The following INPP4A variants were observed in gnomAD, a reference collection of about 807,000 sequenced individuals.
INPP4A encodes the protein inositol polyphosphate-4-phosphatase, type I, 107kD.
In INPP4A, 33 loss-of-function variants were observed where a neutral mutation model predicts 119.8. That is an observed-to-expected ratio of 0.28 (90% CI 0.21 to 0.37). The LOEUF is 0.37. INPP4A is among the 10% of genes least tolerant of loss of function. The pLI is 1.00. For missense variants in INPP4A, 956 were observed against 1,289.9 expected (o/e 0.74, Z 3.97); for synonymous variants, 496 against 500.7 (o/e 0.99, Z 0.12).
intron 1 of INPP4A, among the ~76,000 whole-genome samples, chr2:98,458,967 G>A (rs1696644493): frequency 6.6e-6 from 1 of 152,212 alleles, no homozygotes; most frequent in Non-Finnish European, 1.5e-5. Flanking sequence ...CAGGATGGTA[G>A]CCACCACACG....
At chr2:98,480,831 C>T (rs998225080) in intron 1 of INPP4A, among the ~76,000 whole-genome samples, 3 of 152,214 alleles carry the variant, frequency 2.0e-5, no homozygotes, top group Admixed American at 6.5e-5. Context: ...CCCCAGGGCG[C>T]GTGTGTCCGT....
chr2:98,478,734 G>C (rs903352521), intron 1 of INPP4A, among the ~76,000 whole-genome samples: 1 of 152,178 alleles, frequency 6.6e-6, no homozygotes, highest in Non-Finnish European at 1.5e-5. Context: ...ATGGATTTCC[G>C]AGAAGGTTGC....
intron 22 of INPP4A, among the ~76,000 whole-genome samples, chr2:98,572,351 A>G (rs1248652873): frequency 6.6e-6 from 1 of 152,224 alleles, no homozygotes; most frequent in Non-Finnish European, 1.5e-5. Context: ...TTCTCCTGGC[A>G]TGGGCCAAGG....
chr2:98,556,150 C>A, intron 16 of INPP4A: 1 of 287,498 alleles, frequency 3.5e-6, no homozygotes, highest in Non-Finnish European at 6.5e-6. Flanking sequence ...GATGCAGATG[C>A]CTTTCTGATG....
chr2:98,535,259 G>C lies in INPP4A; in HGVS notation c.271-470G>C, dbSNP rs185497365. Among the ~76,000 whole-genome samples the C allele has an allele frequency of 3.5e-4, 53 of 152,286 alleles. 1 individual carries two copies. Among genetic ancestry groups the C allele is most frequent in the Admixed American group, 3.3e-3 (51 of 15,298 alleles). ...CAGGCTTTAATTATTCCAAACACAG[G>C]CTTCTAGAAATACATAATAAACCAC... On this transcript the variant is annotated intron_variant, in intron 5 of 24. Coordinates refer to ENST00000409851, the MANE Select transcript of INPP4A (RefSeq NM_001134225.2).
At chr2:98,449,212 A>G (rs576734645) in intron 1 of INPP4A, among the ~76,000 whole-genome samples, 1 of 152,344 alleles carries the variant, frequency 6.6e-6, no homozygotes, top group South Asian at 2.1e-4. Context: ...TTAACTGACT[A>G]GTTTCAGAAT....
At chr2:98,500,895 C>A (rs944845542) in intron 1 of INPP4A, among the ~76,000 whole-genome samples, 4 of 152,224 alleles carry the variant, frequency 2.6e-5, no homozygotes, top group African/African-American at 9.6e-5. Context: ...AGCAGAAAAT[C>A]TTTGTTACTG....
intron 1 of INPP4A, among the ~76,000 whole-genome samples, chr2:98,476,956 CCT>C (rs1458728646): frequency 6.6e-6 from 1 of 152,226 alleles, no homozygotes; most frequent in Non-Finnish European, 1.5e-5. Flanking sequence ...CCTCCATCCC[CCT>C]GTTTCTGGAT....
chr2:98,445,311 G>C (rs1270102152), intron 1 of INPP4A, among the ~76,000 whole-genome samples: 1 of 152,166 alleles, frequency 6.6e-6, no homozygotes, highest in African/African-American at 2.4e-5. Flanking sequence ...GTGAAGACGC[G>C]GCCGCCCCAG....
intron 1 of INPP4A, among the ~76,000 whole-genome samples, chr2:98,469,492 T>C (rs1675525179): frequency 1.4e-5 from 2 of 141,838 alleles, no homozygotes; most frequent in South Asian, 2.3e-4. Flanking sequence ...AGAGCAAGAC[T>C]CCGTCTCAAA....
chr2:98,537,028 A>G (rs1261490673), intron 7 of INPP4A, among the ~76,000 whole-genome samples: 1 of 152,248 alleles, frequency 6.6e-6, no homozygotes, highest in Non-Finnish European at 1.5e-5. Context: ...GTCATGTGTC[A>G]GAGTTAACTC....
intron 1 of INPP4A, among the ~76,000 whole-genome samples, chr2:98,481,327 C>T (rs918876055): frequency 3.3e-5 from 5 of 152,014 alleles, no homozygotes; most frequent in Admixed American, 6.6e-5. Flanking sequence ...TGAAAATTCC[C>T]TGGGGGGAAA....
chr2:98,489,614 G>A (rs1222437872), intron 1 of INPP4A, among the ~76,000 whole-genome samples: 2 of 152,150 alleles, frequency 1.3e-5, no homozygotes, highest in African/African-American at 4.8e-5. Context: ...CTCTGTGATG[G>A]ACCCCTGAGG....
chr2:98,494,153 A>C lies in INPP4A; in HGVS notation c.-165-24811A>C, dbSNP rs532370866. 2.0e-5 allele frequency among the ~76,000 whole-genome samples: 3 copies of C among 152,270 alleles called. No individual in the cohort carries two copies. The South Asian group carries it at 6.2e-4, about 32-fold the overall frequency. The stretch of plus-strand genomic sequence containing the variant: ...GAAGCTATGAAGAGTGACCAAGAAG[A>C]CTGGGTTCCCTTTCCCCTAAGTTCC... On this transcript the variant is annotated intron_variant, in intron 1 of 24. Transcript: ENST00000409851.
At chr2:98,516,236 G>A (rs570858858) in intron 1 of INPP4A, among the ~76,000 whole-genome samples, 2 of 152,306 alleles carry the variant, frequency 1.3e-5, no homozygotes, top group East Asian at 3.9e-4. Flanking sequence ...TGCGTTCTGG[G>A]CCTTGATGAC....
intron 24 of INPP4A, among the ~76,000 whole-genome samples, chr2:98,583,783 C>A (rs1189138670): frequency 6.6e-6 from 1 of 152,220 alleles, no homozygotes; most frequent in African/African-American, 2.4e-5. Context: ...CTCCAGGACT[C>A]CCAGACCTTA....
At position 98,575,426 on chromosome 2, in the gene INPP4A, T is replaced by G. The variant is rs1278208843; in HGVS notation, c.2632-1563T>G. ...CATGAACTCTACAGCCCACAGAATT[T>G]AGTGCACATACCAAGTTCACTCTTG... On this transcript the variant is annotated intron_variant, in intron 23 of 24. Coordinates refer to ENST00000409851, the MANE Select transcript of INPP4A (RefSeq NM_001134225.2). Among the ~76,000 whole-genome samples the G allele has an allele frequency of 4.6e-5, 7 of 152,396 alleles. 1 individual carries two copies. The East Asian group carries it at 1.3e-3, about 29-fold the overall frequency.
chr2:98,488,553 A>T (rs1680022031), intron 1 of INPP4A, among the ~76,000 whole-genome samples: 1 of 152,182 alleles, frequency 6.6e-6, no homozygotes, highest in South Asian at 2.1e-4. Flanking sequence ...CTCACTCTGA[A>T]GTCACTCACC....
chr2:98,477,665 C>T (rs1677530643), intron 1 of INPP4A, among the ~76,000 whole-genome samples: 1 of 152,244 alleles, frequency 6.6e-6, no homozygotes, highest in South Asian at 2.1e-4. Context: ...CTGTCTCAGT[C>T]CCTCCGTTAG....
Sources: allele counts gnomAD v4.1 joint callset (sites outside exome capture counted in the v4.1 genomes callset), GRCh38; gene constraint gnomAD v4.1.1; transcripts MANE v1.5; gene names NCBI Gene and HGNC (gene_info 2026-07-23, HGNC 2026-07-21).